DTNA: variants seen among roughly 807,000 people sequenced by gnomAD.
The protein encoded by DTNA is dystrobrevin alpha.
Under a neutral mutation model 100.7 loss-of-function variants are expected in DTNA, and 43 were observed. That is an observed-to-expected ratio of 0.43 (90% CI 0.33 to 0.55). The LOEUF is 0.55. DTNA is among the 20% of genes least tolerant of loss of function. DTNA has a pLI of 0.04. For missense variants in DTNA, 798 were observed against 953.9 expected (o/e 0.84, Z 2.15); for synonymous variants, 349 against 347.9 (o/e 1.00, Z -0.04).
At chr18:34,774,372 CA>C (rs2093938302) in intron 3 of DTNA, among the ~76,000 whole-genome samples, 1 of 152,210 alleles carries the variant, frequency 6.6e-6, no homozygotes, top group African/African-American at 2.4e-5. Flanking sequence ...TGTAAGAAAA[CA>C]GAAGTCAGTC....
At chr18:34,639,312 G>C (rs374955530) in intron 1 of DTNA, among the ~76,000 whole-genome samples, 11 of 152,144 alleles carry the variant, frequency 7.2e-5, no homozygotes, top group African/African-American at 2.7e-4. Flanking sequence ...GCATCACCCT[G>C]TCTCCAGTTG....
intron 1 of DTNA, among the ~76,000 whole-genome samples, chr18:34,497,376 T>C (rs556057709): frequency 6.6e-6 from 1 of 152,312 alleles, no homozygotes; most frequent in South Asian, 2.1e-4. Flanking sequence ...TTATTGAACA[T>C]GTACTGTATA....
Position 34,858,406 on chromosome 18 carries a change from A to G in DTNA, c.1646+8A>G. ...AGAACTCCGGCTCCTCAGGTAGGAG[A>G]GAGCACCCATGTCATCTCAGGGAAT... On this transcript the variant is annotated splice_region_variant and intron_variant, in intron 16 of 22. Transcript: ENST00000444659. 6.2e-7 allele frequency: 1 copy of G among 1,613,680 alleles called. No individual in the cohort carries two copies. The highest frequency in any genetic ancestry group is 8.5e-7 in the Non-Finnish European group (1 of 1,179,604).
Position 34,890,493 on chromosome 18 carries a change from T to C in DTNA, c.*2759T>C, listed in dbSNP as rs1344777537. On this transcript the variant is annotated 3_prime_UTR_variant, in exon 23 of 23. Transcript: ENST00000444659. Reference sequence around the variant, plus strand: ...CTGTCCATTAGATACAACTACATCTTGCGGGGGTTGTTTCTTTCTTGTTCC... The same window carrying C: ...CTGTCCATTAGATACAACTACATCTCGCGGGGGTTGTTTCTTTCTTGTTCC... 1.3e-6 allele frequency: 2 copies of C among 1,533,292 alleles called. No individual in the cohort carries two copies. Among genetic ancestry groups the C allele is most frequent in the Non-Finnish European group, 1.7e-6 (2 of 1,145,150 alleles). 95.0% of individuals were successfully genotyped at this position (1,533,292 alleles called of 1,614,324 possible).
intron 1 of DTNA, among the ~76,000 whole-genome samples, chr18:34,660,246 G>C (rs2074998066): frequency 6.6e-6 from 1 of 152,068 alleles, no homozygotes; most frequent in Non-Finnish European, 1.5e-5. Context: ...TCAGCCAAGA[G>C]CATTCCAGTT....
At chr18:34,604,824 G>A (rs1045764203) in intron 1 of DTNA, among the ~76,000 whole-genome samples, 2 of 152,208 alleles carry the variant, frequency 1.3e-5, no homozygotes, top group Middle Eastern at 3.4e-3. Flanking sequence ...TATTGCTCCA[G>A]TTTCCTATAT....
At chr18:34,634,948 C>T (rs1044405973) in intron 1 of DTNA, among the ~76,000 whole-genome samples, 3 of 152,132 alleles carry the variant, frequency 2.0e-5, no homozygotes, top group African/African-American at 7.2e-5. Flanking sequence ...AATGGTAACA[C>T]AGTGAATAAA....
intron 1 of DTNA, among the ~76,000 whole-genome samples, chr18:34,523,261 A>G (rs1006725928): frequency 6.6e-6 from 1 of 152,104 alleles, no homozygotes; most frequent in African/African-American, 2.4e-5. Flanking sequence ...TTCTCTTTTC[A>G]ATTTTCTTGT....
chr18:34,497,224 G>T (rs910776750), intron 1 of DTNA, among the ~76,000 whole-genome samples: 1 of 152,082 alleles, frequency 6.6e-6, no homozygotes, highest in Non-Finnish European at 1.5e-5. Context: ...AACTTTAATT[G>T]ATTTATCACA....
intron 16 of DTNA, 61 bp from the exon 17 acceptor site, chr18:34,863,905 G>T: frequency 6.6e-7 from 1 of 1,511,508 alleles, no homozygotes; most frequent in South Asian, 1.2e-5. Flanking sequence ...CCTCAAGAAT[G>T]GAAATGTGAT....
intron 19 of DTNA, 47 bp downstream of exon 19, chr18:34,877,855 C>A: frequency 6.7e-7 from 1 of 1,499,538 alleles, no homozygotes; most frequent in Non-Finnish European, 9.3e-7. Context: ...ATGGAGGGAT[C>A]CATAAGTGCT....
chr18:34,699,647 C>A (rs1386449530), intron 1 of DTNA, among the ~76,000 whole-genome samples: 1 of 152,160 alleles, frequency 6.6e-6, no homozygotes, highest in Admixed American at 6.6e-5. Context: ...GAACTGCATT[C>A]GCAGTGATTG....
chr18:34,838,249 T>C (rs2096196676), intron 12 of DTNA, 78 bp downstream of exon 12: 1 of 1,499,582 alleles, frequency 6.7e-7, no homozygotes, highest in African/African-American at 1.4e-5. Context: ...AAAAATGCTT[T>C]GTGTGTGAAA....
intron 17 of DTNA, among the ~76,000 whole-genome samples, chr18:34,874,655 C>G (rs568123002): frequency 1.3e-5 from 2 of 152,200 alleles, no homozygotes; most frequent in Admixed American, 1.3e-4. Context: ...TTCTTCTTCC[C>G]CATTGGAATC....
At chr18:34,845,781 T>G (rs2096367094) in intron 13 of DTNA, among the ~76,000 whole-genome samples, 1 of 152,228 alleles carries the variant, frequency 6.6e-6, no homozygotes, top group African/African-American at 2.4e-5. Context: ...AAGACAGACA[T>G]CTGCTTTAAA....
At chr18:34,686,255 G>T (rs2078885606) in intron 1 of DTNA, among the ~76,000 whole-genome samples, 2 of 149,706 alleles carry the variant, frequency 1.3e-5, no homozygotes, top group Non-Finnish European at 2.9e-5. Flanking sequence ...TGCCCATTCA[G>T]TATGATTTTG....
At chr18:34,727,296 C>G (rs758099350) in intron 1 of DTNA, among the ~76,000 whole-genome samples, 3 of 152,144 alleles carry the variant, frequency 2.0e-5, no homozygotes, top group Non-Finnish European at 2.9e-5. Flanking sequence ...ATTGTCTTGG[C>G]TTGATAATAT....
chr18:34,685,918 C>T (rs1316066230), intron 1 of DTNA, among the ~76,000 whole-genome samples: 2 of 152,106 alleles, frequency 1.3e-5, no homozygotes, highest in African/African-American at 4.8e-5. Flanking sequence ...TGGGAGTTTG[C>T]TCATGATTTG....
At chr18:34,814,411 G>C (rs990693666) in intron 6 of DTNA, among the ~76,000 whole-genome samples, 1 of 152,026 alleles carries the variant, frequency 6.6e-6, no homozygotes, top group South Asian at 2.1e-4. Flanking sequence ...GACCTATGCT[G>C]GTGTGATGGC....
Sources: allele counts gnomAD v4.1 joint callset (sites outside exome capture counted in the v4.1 genomes callset), GRCh38; gene constraint gnomAD v4.1.1; transcripts MANE v1.5; gene names NCBI Gene and HGNC (gene_info 2026-07-23, HGNC 2026-07-21).